RAD51C: variants seen among roughly 807,000 people sequenced by gnomAD.
RAD51C encodes DNA repair protein RAD51 homolog 3.
Under a neutral mutation model 45.0 loss-of-function variants are expected in RAD51C, and 42 were observed. The observed-to-expected ratio is 0.93, with a 90% CI of 0.73 to 1.21. The LOEUF is 1.21. RAD51C is among the 50% of genes most tolerant of loss of function. The pLI, the probability that RAD51C is intolerant of heterozygous loss-of-function variation, is 0.00. For missense variants in RAD51C, 474 were observed against 452.2 expected, an observed-to-expected ratio of 1.05 and a Z score of -0.44; for synonymous variants, 172 against 159.8, an observed-to-expected ratio of 1.08 and a Z score of -0.58.
chr17:58,726,417 T>A (rs1215594980), intron 7 of RAD51C, among the ~76,000 whole-genome samples: 1 of 97,778 alleles, frequency 1.0e-5, no homozygotes, highest in Non-Finnish European at 2.1e-5. Context: ...ATATATAGAT[T>A]ATATGTATAT....
At chr17:58,720,463 ATTAT>A (rs759702380) in intron 5 of RAD51C, among the ~76,000 whole-genome samples, 5 of 151,388 alleles carry the variant, frequency 3.3e-5, no homozygotes, top group African/African-American at 7.3e-5. Context: ...TGTTTACTTG[ATTAT>A]TTATTTATTT....
chr17:58,701,795 C>G (rs766456393), intron 3 of RAD51C, among the ~76,000 whole-genome samples: 4 of 151,176 alleles, frequency 2.6e-5, no homozygotes, highest in Non-Finnish European at 4.4e-5. Context: ...GTCTTGAACT[C>G]CTGACCTAGT....
chr17:58,715,718 T>C (rs1248829347), intron 5 of RAD51C, among the ~76,000 whole-genome samples: 2 of 152,144 alleles, frequency 1.3e-5, no homozygotes, highest in Admixed American at 1.3e-4. Flanking sequence ...ATATCACATT[T>C]TGTTTATCTG....
intron 5 of RAD51C, among the ~76,000 whole-genome samples, chr17:58,719,607 G>A (rs955000666): frequency 1.9e-4 from 29 of 151,946 alleles, no homozygotes; most frequent in African/African-American, 7.0e-4. Context: ...GTGAGTCTAG[G>A]ACTTCAAGGA....
At chr17:58,716,116 A>AG (rs1245615072) in intron 5 of RAD51C, among the ~76,000 whole-genome samples, 1 of 152,082 alleles carries the variant, frequency 6.6e-6, no homozygotes, top group Non-Finnish European at 1.5e-5. Context: ...AAAAAAAAAA[A>AG]AAAAAGCACT....
intron 3 of RAD51C, among the ~76,000 whole-genome samples, chr17:58,702,131 G>A (rs1415693860): frequency 2.0e-5 from 3 of 151,570 alleles, no homozygotes; most frequent in East Asian, 1.9e-4. Context: ...GAGTAGCTAC[G>A]ACCAGAGTTG....
At chr17:58,719,258 G>A (rs922300996) in intron 5 of RAD51C, among the ~76,000 whole-genome samples, 3 of 151,998 alleles carry the variant, frequency 2.0e-5, no homozygotes, top group Non-Finnish European at 4.4e-5. Context: ...TGGTCATCAG[G>A]CTGGGGTACG....
In RAD51C at chr17:58,709,954, G is replaced by A. The variant is rs2048499866; in HGVS notation, c.801G>A (p.Gln267=). The part of the protein sequence containing the change: ...LRTRLLNGLA[Q]QMISLANNHR... Reference sequence around the variant, plus strand: ...CTCGGTTATTAAATGGCCTAGCCCAGCAAATGATCAGCCTTGCAAATAATC... The same window carrying A: ...CTCGGTTATTAAATGGCCTAGCCCAACAAATGATCAGCCTTGCAAATAATC... Residue 267 remains glutamine, a synonymous_variant, in exon 5 of 9, where the codon CAG becomes CAA. Coordinates refer to ENST00000337432, the MANE Select transcript of RAD51C (RefSeq NM_058216.3). The A allele has an allele frequency of 2.5e-6, 4 of 1,613,200 alleles. No homozygotes were observed. In the East Asian group the frequency reaches 8.9e-5, roughly 36 times the overall value.
chr17:58,731,935 T>C (rs902569159), intron 7 of RAD51C, among the ~76,000 whole-genome samples: 2 of 152,232 alleles, frequency 1.3e-5, no homozygotes, highest in South Asian at 2.1e-4. Context: ...GGGTGTAATA[T>C]GAGTAAGTGT....
rs1304518093 is a variant in RAD51C at position 58,735,288 on chromosome 17, CG to C, written c.*1069del. On this transcript the variant is annotated 3_prime_UTR_variant, in exon 9 of 9. Coordinates refer to ENST00000337432, the MANE Select transcript of RAD51C (RefSeq NM_058216.3). ...ATAGCTCACTGCAGCCTCGACCTCC[CG>C]GGCTCAAGCAATCCTCTCACTTCAG... 6 of 152,208 alleles carry C rather than the reference CG, an allele frequency of 3.9e-5. No individual in the cohort carries two copies. Among genetic ancestry groups the C allele is most frequent in the Non-Finnish European group, 8.8e-5 (6 of 68,144 alleles). 9.4% of individuals were successfully genotyped at this position (152,208 alleles called of 1,614,324 possible).
chr17:58,720,341 A>G (rs546141845), intron 5 of RAD51C, among the ~76,000 whole-genome samples: 24 of 151,268 alleles, frequency 1.6e-4, no homozygotes, highest in African/African-American at 5.8e-4. Flanking sequence ...GTGTGAACCC[A>G]GGAGGCAGAG....
At chr17:58,694,319 C>G (rs554329504) in intron 1 of RAD51C, 1 of 153,548 alleles carries the variant, frequency 6.5e-6, no homozygotes, top group African/African-American at 2.4e-5. Context: ...CTTCATAAGA[C>G]CAAAAGGGAT....
In RAD51C at chr17:58,692,616, T is replaced by G. The variant is rs1057522163; in HGVS notation, c.-28T>G. 2 of 1,613,264 alleles carry G rather than the reference T, an allele frequency of 1.2e-6. No individual in the cohort carries two copies. The highest frequency in any genetic ancestry group is 3.3e-5 in the Admixed American group (2 of 60,030). Reference sequence around the variant, plus strand: ...CCAGCGAGGGCGTGCGGAGTTTGGCTGCTCCGGGGTTAGCAGGTGAGCCTG... The same window carrying G: ...CCAGCGAGGGCGTGCGGAGTTTGGCGGCTCCGGGGTTAGCAGGTGAGCCTG... On this transcript the variant is annotated 5_prime_UTR_variant, in exon 1 of 9. Transcript: ENST00000337432.
chr17:58,732,357 T>C (rs2049462816), intron 7 of RAD51C, 127 bp from the exon 8 acceptor site: 3 of 771,356 alleles, frequency 3.9e-6, no homozygotes, highest in East Asian at 5.6e-5. Flanking sequence ...CCTTTTTGTG[T>C]TCTTAGAGAA....
intron 2 of RAD51C, 41 bp from the exon 3 acceptor site, chr17:58,696,649 GATC>G (rs1217621462): frequency 1.9e-6 from 3 of 1,612,968 alleles, no homozygotes; most frequent in African/African-American, 2.7e-5. Flanking sequence ...CACTACCTTA[GATC>G]ATCATCATGA....
At chr17:58,726,671 C>T (rs888656199) in intron 7 of RAD51C, among the ~76,000 whole-genome samples, 1 of 150,398 alleles carries the variant, frequency 6.6e-6, no homozygotes, top group Non-Finnish European at 1.5e-5. Context: ...TATACATATA[C>T]GTATGTATAT....
chr17:58,695,092 T>A lies in RAD51C; in HGVS notation c.307T>A (p.Phe103Ile), dbSNP rs1114167446. ...GCATACCCAGGGCTTCATAATCACCTTCTGTTCAGCACTAGATGATATTCT... is the reference window on the plus strand; with the variant it reads ...GCATACCCAGGGCTTCATAATCACCATCTGTTCAGCACTAGATGATATTCT... ...QEHTQGFIIT[F>I]CSALDDILGG... The change falls in exon 2 of 9, where the codon TTC (phenylalanine) becomes ATC (isoleucine). Residue 103 changes from phenylalanine (F) to isoleucine (I), a missense_variant. Physicochemically the swap from Phe to Ile is conservative, Grantham distance 21. Coordinates refer to ENST00000337432, the MANE Select transcript of RAD51C (RefSeq NM_058216.3). The A allele has an allele frequency of 6.2e-7, 1 of 1,613,974 alleles. No homozygotes were observed.
chr17:58,724,645 A>G (rs1319865017), intron 7 of RAD51C, among the ~76,000 whole-genome samples: 2 of 152,054 alleles, frequency 1.3e-5, no homozygotes, highest in African/African-American at 4.8e-5. Flanking sequence ...TTGTTCTTTA[A>G]AAGTATGGCA....
intron 2 of RAD51C, among the ~76,000 whole-genome samples, chr17:58,696,330 A>G (rs1387095693): frequency 2.0e-5 from 3 of 150,170 alleles, no homozygotes; most frequent in African/African-American, 7.4e-5. Flanking sequence ...CTACTCGGGC[A>G]GCTGAGGCAG....
Sources: allele counts gnomAD v4.1 joint callset (sites outside exome capture counted in the v4.1 genomes callset), GRCh38; gene constraint gnomAD v4.1.1; transcripts MANE v1.5; gene names NCBI Gene and HGNC (gene_info 2026-07-23, HGNC 2026-07-21).